Variants in SYN3 observed in about 807,000 individuals in gnomAD.
SYN3 encodes the protein synapsin III, also known as synapsin-3.
SYN3 carries 35 observed loss-of-function variants against 65.8 expected under a neutral mutation model. That is an observed-to-expected ratio of 0.53 (90% confidence interval 0.41 to 0.70). The LOEUF (loss-of-function observed/expected upper bound fraction) is 0.70. SYN3 is among the 30% of genes least tolerant of loss of function. The pLI, the probability that SYN3 is intolerant of heterozygous loss-of-function variation, is 0.00. For synonymous variants in SYN3, 270 were observed against 292.9 expected, an observed-to-expected ratio of 0.92 and a Z score of 0.80; for missense variants, 680 against 749.0, an observed-to-expected ratio of 0.91 and a Z score of 1.08.
Position 32,639,417 on chromosome 22 carries a change from C to A in SYN3, c.712-42681G>T, listed in dbSNP as rs527425697. On this transcript the variant is annotated intron_variant, in intron 6 of 13. Transcript: ENST00000358763. Reference sequence around the variant, plus strand: ...AGATTAGATGGCTGTAGGTGTGCAGCTTTATTCCTGAGTTCTCTATTCTGT... The same window carrying A: ...AGATTAGATGGCTGTAGGTGTGCAGATTTATTCCTGAGTTCTCTATTCTGT... Among the ~76,000 whole-genome samples the A allele has an allele frequency of 2.0e-5, 3 of 152,326 alleles. No individual in the cohort carries two copies. The East Asian group carries it at 5.8e-4, about 29-fold the overall frequency.
At chr22:32,936,887 A>C (rs1267443830) in intron 3 of SYN3, among the ~76,000 whole-genome samples, 1 of 152,222 alleles carries the variant, frequency 6.6e-6, no homozygotes, top group East Asian at 1.9e-4. Context: ...CCTTAATCCC[A>C]GGCAAACTAG....
At chr22:33,025,863 A>G (rs2053634315) in intron 1 of SYN3, among the ~76,000 whole-genome samples, 1 of 152,174 alleles carries the variant, frequency 6.6e-6, no homozygotes, top group South Asian at 2.1e-4. Context: ...TGACTGCACC[A>G]GGCCCCATCA....
chr22:32,518,553 T>C, intron 12 of SYN3: 1 of 693,964 alleles, frequency 1.4e-6, no homozygotes, highest in South Asian at 1.5e-5. Flanking sequence ...AGGATGTGGC[T>C]GAGTAATACT....
intron 6 of SYN3, among the ~76,000 whole-genome samples, chr22:32,679,999 A>G (rs2147108182): frequency 1.3e-5 from 2 of 151,988 alleles, no homozygotes; most frequent in Admixed American, 1.3e-4. Flanking sequence ...TTCTCCCACT[A>G]GAATATAAAC....
At chr22:32,615,079 C>A (rs538624877) in intron 6 of SYN3, among the ~76,000 whole-genome samples, 2 of 152,092 alleles carry the variant, frequency 1.3e-5, no homozygotes, top group Non-Finnish European at 1.5e-5. Flanking sequence ...TGCTGATGTG[C>A]GTTTAACTCC....
intron 4 of SYN3, among the ~76,000 whole-genome samples, chr22:32,869,591 CA>C (rs1432682778): frequency 6.6e-6 from 1 of 151,094 alleles, no homozygotes; most frequent in Non-Finnish European, 1.5e-5. Flanking sequence ...GTCACTTGTT[CA>C]AAAAGATACG....
At chr22:32,868,388 T>C (rs909492027) in intron 5 of SYN3, among the ~76,000 whole-genome samples, 1 of 151,474 alleles carries the variant, frequency 6.6e-6, no homozygotes, top group African/African-American at 2.4e-5. Context: ...ATATATTACA[T>C]GTAACATGTA....
intron 6 of SYN3, among the ~76,000 whole-genome samples, chr22:32,784,625 T>A (rs765721856): frequency 6.6e-6 from 1 of 152,184 alleles, no homozygotes; most frequent in Non-Finnish European, 1.5e-5. Flanking sequence ...ATAATAAATA[T>A]GTGTTATGGT....
chr22:32,741,555 C>T (rs1027897695), intron 6 of SYN3, among the ~76,000 whole-genome samples: 7 of 151,808 alleles, frequency 4.6e-5, no homozygotes, highest in Non-Finnish European at 8.8e-5. Flanking sequence ...CGGGGTTTCA[C>T]TGTGTTAGTC....
chr22:32,797,432 G>A (rs1199342309), intron 6 of SYN3, among the ~76,000 whole-genome samples: 1 of 152,160 alleles, frequency 6.6e-6, no homozygotes, highest in African/African-American at 2.4e-5. Context: ...ATACATGGGA[G>A]GGGAATCAGA....
At chr22:32,886,986 GC>G (rs2049311453) in intron 4 of SYN3, among the ~76,000 whole-genome samples, 1 of 152,148 alleles carries the variant, frequency 6.6e-6, no homozygotes, top group Non-Finnish European at 1.5e-5. Context: ...AGATGGGTTG[GC>G]ACCCCATGAT....
At chr22:33,046,228 C>A (rs57863436) in intron 1 of SYN3, among the ~76,000 whole-genome samples, 1 of 152,138 alleles carries the variant, frequency 6.6e-6, no homozygotes, top group Non-Finnish European at 1.5e-5. Flanking sequence ...AACTTTCATA[C>A]GTTGTTGATG....
intron 6 of SYN3, among the ~76,000 whole-genome samples, chr22:32,684,513 A>T (rs1344760218): frequency 6.6e-6 from 1 of 152,186 alleles, no homozygotes; most frequent in Middle Eastern, 3.2e-3. Flanking sequence ...CACCATCACC[A>T]AGCTCTTTTC....
chr22:32,533,627 C>T (rs528008197), intron 10 of SYN3, among the ~76,000 whole-genome samples, 166 bp downstream of exon 10: 1 of 152,306 alleles, frequency 6.6e-6, no homozygotes, highest in South Asian at 2.1e-4. Context: ...TTCGATGCCT[C>T]TGAGGGTGGG....
intron 7 of SYN3, among the ~76,000 whole-genome samples, chr22:32,593,763 G>A (rs1351369365): frequency 3.3e-5 from 5 of 152,160 alleles, no homozygotes; most frequent in East Asian, 3.9e-4. Context: ...AAGGTGACTC[G>A]GGAGTCTGTT....
chr22:32,596,654 G>T lies in SYN3; in HGVS notation c.774+20C>A, dbSNP rs1476449209. The T allele has an allele frequency of 6.2e-7, 1 of 1,613,200 alleles. No homozygotes were observed. The highest frequency in any genetic ancestry group is 8.5e-7 in the Non-Finnish European group (1 of 1,179,590). ...ATCTCTGGGTGTGTCCACTGTGAGTGGAAGGGCTGTTTCTCATACCTTTCC... is the reference window on the plus strand; with the variant it reads ...ATCTCTGGGTGTGTCCACTGTGAGTTGAAGGGCTGTTTCTCATACCTTTCC... On this transcript the variant is annotated intron_variant, in intron 7 of 13. Transcript: ENST00000358763.
chr22:32,876,595 TAAAA>T (rs34952677), intron 4 of SYN3, among the ~76,000 whole-genome samples: 3 of 139,252 alleles, frequency 2.2e-5, no homozygotes, highest in Admixed American at 1.4e-4. Flanking sequence ...CCTGCATTGT[TAAAA>T]AAAAAAAAAA....
At chr22:32,818,691 G>A (rs1031290546) in intron 6 of SYN3, among the ~76,000 whole-genome samples, 1 of 152,158 alleles carries the variant, frequency 6.6e-6, no homozygotes, top group African/African-American at 2.4e-5. Context: ...TCCAGCTCTT[G>A]CACCATTAAC....
chr22:32,787,194 C>T (rs948128929), intron 6 of SYN3, among the ~76,000 whole-genome samples: 6 of 151,646 alleles, frequency 4.0e-5, no homozygotes, highest in Non-Finnish European at 8.8e-5. Flanking sequence ...ATTACAGGTG[C>T]GTGCCACCAC....
Sources: allele counts gnomAD v4.1 joint callset (sites outside exome capture counted in the v4.1 genomes callset), GRCh38; gene constraint gnomAD v4.1.1; transcripts MANE v1.5; gene names NCBI Gene and HGNC (gene_info 2026-07-23, HGNC 2026-07-21).